SSBP2: variants seen among roughly 807,000 people sequenced by gnomAD.
SSBP2 encodes single stranded DNA binding protein 2.
In SSBP2, 17 loss-of-function variants were observed where a neutral mutation model predicts 61.8. The observed-to-expected ratio is 0.28, with a 90% confidence interval of 0.19 to 0.41. The LOEUF is 0.41. SSBP2 is among the 10% of genes least tolerant of loss of function. The pLI is 1.00. For synonymous variants in SSBP2, 139 were observed against 141.3 expected (o/e 0.98, Z 0.12); for missense variants, 310 against 458.7 (o/e 0.68, Z 2.96).
At chr5:81,672,888 T>G (rs1032580459) in intron 1 of SSBP2, among the ~76,000 whole-genome samples, 8 of 151,064 alleles carry the variant, frequency 5.3e-5, no homozygotes, top group Non-Finnish European at 1.2e-4. Context: ...TTTTTTTTTT[T>G]TAAACAGTCT....
chr5:81,741,074 A>C (rs1426187614), intron 1 of SSBP2, among the ~76,000 whole-genome samples: 2 of 152,228 alleles, frequency 1.3e-5, no homozygotes, highest in East Asian at 3.8e-4. Context: ...CAGTGCAGTC[A>C]GAAACCTGAG....
intron 11 of SSBP2, 96 bp from the exon 12 acceptor site, chr5:81,447,018 G>T: frequency 1.3e-6 from 1 of 781,358 alleles, no homozygotes; most frequent in South Asian, 2.4e-5. Context: ...TTGAAAATAA[G>T]AGCAGAAATA....
intron 1 of SSBP2, among the ~76,000 whole-genome samples, chr5:81,736,852 T>C (rs546127841): frequency 6.6e-6 from 1 of 152,300 alleles, no homozygotes; most frequent in Non-Finnish European, 1.5e-5. Flanking sequence ...TAAAAAATAA[T>C]TTCCCATCAA....
At chr5:81,706,162 C>G (rs403795) in intron 1 of SSBP2, among the ~76,000 whole-genome samples, 1 of 151,924 alleles carries the variant, frequency 6.6e-6, no homozygotes, top group Non-Finnish European at 1.5e-5. Flanking sequence ...AAAAAGAGAA[C>G]GAAATCAAGT....
At chr5:81,505,663 A>T (rs1383915531) in intron 5 of SSBP2, among the ~76,000 whole-genome samples, 4 of 152,222 alleles carry the variant, frequency 2.6e-5, no homozygotes, top group Non-Finnish European at 5.9e-5. Context: ...TTCAAAAGAA[A>T]AACTATAATT....
At chr5:81,731,045 T>C (rs1407280553) in intron 1 of SSBP2, among the ~76,000 whole-genome samples, 1 of 152,210 alleles carries the variant, frequency 6.6e-6, no homozygotes, top group African/African-American at 2.4e-5. Flanking sequence ...CCTGCAAAAC[T>C]GAAACTCTAT....
chr5:81,647,946 C>CT (rs1167428831), intron 2 of SSBP2, among the ~76,000 whole-genome samples: 1 of 152,006 alleles, frequency 6.6e-6, no homozygotes, highest in Non-Finnish European at 1.5e-5. Context: ...CAACATTTTT[C>CT]TTTTTTGATG....
In SSBP2 at chr5:81,650,280, G is replaced by A; in HGVS notation, c.122C>T (p.Thr41Ile). 6.3e-7 allele frequency: 1 copy of A among 1,586,864 alleles called. No individual in the cohort carries two copies. Among genetic ancestry groups the A allele is most frequent in the African/African-American group, 1.4e-5 (1 of 73,886 alleles). Residue 41 changes from threonine (T) to isoleucine (I), a missense_variant, in exon 2 of 17, where the codon ACA (threonine) becomes ATA (isoleucine). Around this residue, in one of 4 missense-constraint regions of SSBP2, gnomAD observed 21 missense variants for 59.1 expected, o/e 0.36. Coordinates refer to ENST00000320672, the MANE Select transcript of SSBP2 (RefSeq NM_012446.5). ...TATAAAACATACCTCTGATAAAAAT[G>A]TTTGAGCTGATTTCTGAGCTCCTAC...
chr5:81,475,391 T>A (rs1303985491), intron 6 of SSBP2, among the ~76,000 whole-genome samples: 2 of 152,146 alleles, frequency 1.3e-5, no homozygotes, highest in Non-Finnish European at 2.9e-5. Context: ...CATGGCCAGA[T>A]CAGAACTGTT....
At chr5:81,690,281 T>C (rs1349801625) in intron 1 of SSBP2, among the ~76,000 whole-genome samples, 1 of 152,036 alleles carries the variant, frequency 6.6e-6, no homozygotes, top group Non-Finnish European at 1.5e-5. Flanking sequence ...GTAAATGGAC[T>C]AAACTCTCCA....
intron 1 of SSBP2, among the ~76,000 whole-genome samples, chr5:81,721,211 T>C (rs189272336): frequency 2.0e-5 from 3 of 152,210 alleles, no homozygotes; most frequent in Admixed American, 6.5e-5. Context: ...CATCTGAATA[T>C]GGCAATCCAA....
In SSBP2 at chr5:81,690,360, A is replaced by G. The variant is rs372272765; in HGVS notation, c.63-40021T>C. On this transcript the variant is annotated intron_variant, in intron 1 of 16. Transcript: ENST00000320672. ...CAACGATCTGTTGCGTACAATAAAC[A>G]CACTTCACTAAAAAGACACAAAGAC... is the stretch of plus-strand genomic sequence containing the variant. Among the ~76,000 whole-genome samples, 4 of 152,260 alleles carry G rather than the reference A, an allele frequency of 2.6e-5. No homozygotes were observed. In the South Asian group the frequency reaches 6.2e-4, roughly 24 times the overall value.
intron 9 of SSBP2, among the ~76,000 whole-genome samples, chr5:81,463,824 A>G (rs1162365692): frequency 7.4e-6 from 1 of 135,802 alleles, no homozygotes; most frequent in African/African-American, 2.9e-5. Flanking sequence ...GTTGGAGTGC[A>G]GTGACAGGAT....
At chr5:81,562,516 C>T (rs183243501) in intron 4 of SSBP2, among the ~76,000 whole-genome samples, 3 of 152,062 alleles carry the variant, frequency 2.0e-5, no homozygotes, top group Admixed American at 6.6e-5. Context: ...TAAGAACAAT[C>T]GATACAATGT....
chr5:81,540,270 G>T (rs1464853475), intron 4 of SSBP2, among the ~76,000 whole-genome samples: 1 of 152,130 alleles, frequency 6.6e-6, no homozygotes, highest in African/African-American at 2.4e-5. Flanking sequence ...TAATGGGATC[G>T]CTGGGACAAA....
At chr5:81,503,906 T>C (rs1373189618) in intron 5 of SSBP2, among the ~76,000 whole-genome samples, 4 of 152,086 alleles carry the variant, frequency 2.6e-5, no homozygotes, top group Admixed American at 6.5e-5. Context: ...ATATCACATA[T>C]TCTCCCTTAT....
intron 1 of SSBP2, among the ~76,000 whole-genome samples, chr5:81,676,259 C>T (rs552230461): frequency 1.3e-5 from 2 of 152,248 alleles, no homozygotes; most frequent in Non-Finnish European, 2.9e-5. Flanking sequence ...TGGCAATGTC[C>T]TCACTGTCAC....
intron 4 of SSBP2, among the ~76,000 whole-genome samples, chr5:81,592,645 T>A (rs1581115726): frequency 6.6e-6 from 1 of 152,112 alleles, no homozygotes; most frequent in African/African-American, 2.4e-5. Flanking sequence ...AGACAAAACT[T>A]CCAGAGGAAC....
At chr5:81,566,935 G>A (rs1174638055) in intron 4 of SSBP2, among the ~76,000 whole-genome samples, 2 of 152,206 alleles carry the variant, frequency 1.3e-5, no homozygotes, top group Non-Finnish European at 2.9e-5. Flanking sequence ...ATGATTTAGT[G>A]TATCTGACAG....
Sources: gnomAD v4.1 joint callset for allele counts (sites outside exome capture counted in the v4.1 genomes callset) on GRCh38, gnomAD v4.1.1 for gene constraint, gnomAD v4.1.1 regional missense constraint, MANE v1.5 for transcripts, NCBI Gene and HGNC (gene_info 2026-07-23, HGNC 2026-07-21) for gene names.